MELK: variants seen among roughly 807,000 people sequenced by gnomAD.
MELK encodes maternal embryonic leucine zipper kinase, also known as pEg3 kinase.
Under a neutral mutation model 85.0 loss-of-function variants are expected in MELK, and 81 were observed. The ratio of observed to expected loss-of-function variants is 0.95; its 90% CI spans 0.80 to 1.15. The LOEUF is 1.15. Among genes scored for constraint, MELK ranks in the 50% most tolerant of loss-of-function variants. The pLI, the probability that MELK is intolerant of heterozygous loss-of-function variation, is 0.00. For missense variants in MELK, 754 were observed against 777.5 expected (o/e 0.97, Z 0.36); for synonymous variants, 252 against 265.0 (o/e 0.95, Z 0.48).
In MELK at chr9:36,607,662, A is replaced by C. The variant is rs1216065000; in HGVS notation, c.655A>C (p.Lys219Gln). 4 of 1,598,194 alleles carry C rather than the reference A, an allele frequency of 2.5e-6. No individual in the cohort carries two copies. Among genetic ancestry groups the C allele is most frequent in the Non-Finnish European group, 3.4e-6 (4 of 1,165,566 alleles). The stretch of plus-strand genomic sequence containing the variant: ...TGATGATAATGTAATGGCTTTATAC[A>C]AGAAGATTATGGTGAGTATTACAAG... ...FDDDNVMALYKKIMRGKYDVP... is the reference protein window; with the variant it reads ...FDDDNVMALYQKIMRGKYDVP... Residue 219 changes from lysine (K) to glutamine (Q), a missense_variant, in exon 8 of 18, where the codon AAG becomes CAG. Transcript: ENST00000298048.
intron 10 of MELK, among the ~76,000 whole-genome samples, chr9:36,636,774 TTCTTTCTTTCTGTCTG>T (rs1829212603): frequency 5.7e-5 from 6 of 105,900 alleles, no homozygotes; most frequent in African/African-American, 2.7e-4. Context: ...CTTTCTTTCT[TTCTTTCTTTCTGTCTG>T]TCTTTCTTTC....
intron 8 of MELK, 149 bp from the exon 9 acceptor site, chr9:36,630,150 A>G: frequency 1.5e-6 from 1 of 679,590 alleles, no homozygotes; most frequent in Non-Finnish European, 2.5e-6. Flanking sequence ...CAGCCAAGAA[A>G]TTGATTTTTT....
At chr9:36,658,620 C>G (rs547240189) in intron 13 of MELK, among the ~76,000 whole-genome samples, 198 of 152,188 alleles carry the variant, frequency 1.3e-3, no homozygotes, top group African/African-American at 4.2e-3. Flanking sequence ...CTTGGTAAGG[C>G]CTACGTCTGG....
At chr9:36,652,884 A>G (rs1473165543) in intron 12 of MELK, among the ~76,000 whole-genome samples, 1 of 152,134 alleles carries the variant, frequency 6.6e-6, no homozygotes, top group African/African-American at 2.4e-5. Flanking sequence ...CACGCATTCA[A>G]GTACTTTTAA....
Position 36,677,323 on chromosome 9 carries a change from A to G in MELK, c.1942A>G (p.Ser648Gly). The G allele has an allele frequency of 6.2e-7, 1 of 1,612,790 alleles. No individual in the cohort carries two copies. Among genetic ancestry groups the G allele is most frequent in the Non-Finnish European group, 8.5e-7 (1 of 1,179,276 alleles). The change falls in exon 18 of 18, where the codon AGC becomes GGC. Residue 648 changes from serine (S) to glycine (G), a missense_variant. Transcript: ENST00000298048. Reference sequence around the variant, plus strand: ...AAGATTAGTGGAAGACATCCTATCTAGCTGCAAGGTATAATTGATGGATTC... The same window carrying G: ...AAGATTAGTGGAAGACATCCTATCTGGCTGCAAGGTATAATTGATGGATTC... ...YKRLVEDILSSCKV is the reference protein window; with the variant it reads ...YKRLVEDILSGCKV
chr9:36,636,959 C>T (rs1402485125), intron 10 of MELK, among the ~76,000 whole-genome samples: 1 of 151,952 alleles, frequency 6.6e-6, no homozygotes, highest in African/African-American at 2.4e-5. Flanking sequence ...CTCGGCCTCC[C>T]GAGTAGCTGG....
chr9:36,619,345 C>G (rs1448395627), intron 8 of MELK, among the ~76,000 whole-genome samples: 2 of 152,140 alleles, frequency 1.3e-5, no homozygotes, highest in Admixed American at 6.6e-5. Flanking sequence ...AGGGATTATT[C>G]TACCTGGAAA....
chr9:36,673,793 C>T (rs1833102088), intron 16 of MELK, among the ~76,000 whole-genome samples: 1 of 152,180 alleles, frequency 6.6e-6, no homozygotes, highest in Non-Finnish European at 1.5e-5. Context: ...ACCATTGCCA[C>T]AATCAAGATA....
At chr9:36,616,143 A>G (rs758474823) in intron 8 of MELK, among the ~76,000 whole-genome samples, 2 of 152,226 alleles carry the variant, frequency 1.3e-5, no homozygotes, top group Non-Finnish European at 2.9e-5. Context: ...AGACCTGTAT[A>G]TACAAAGGGT....
At chr9:36,668,908 C>T (rs12343013) in intron 14 of MELK, among the ~76,000 whole-genome samples, 5,954 of 152,092 alleles carry the variant, frequency 0.039, 323 homozygotes, top group African/African-American at 0.11. Flanking sequence ...ATTCAATTAA[C>T]ACCTTTTAAT....
intron 8 of MELK, among the ~76,000 whole-genome samples, chr9:36,629,160 C>T (rs946668695): frequency 1.3e-5 from 2 of 152,164 alleles, no homozygotes; most frequent in African/African-American, 4.8e-5. Context: ...CCACCACGCC[C>T]AGCCTGGTTT....
At chr9:36,609,234 A>G (rs1825855815) in intron 8 of MELK, among the ~76,000 whole-genome samples, 1 of 152,188 alleles carries the variant, frequency 6.6e-6, no homozygotes, top group African/African-American at 2.4e-5. Context: ...ATATACTAAA[A>G]TCTACACTTT....
chr9:36,672,696 C>G (rs1832990843), intron 16 of MELK, among the ~76,000 whole-genome samples: 1 of 151,994 alleles, frequency 6.6e-6, no homozygotes, highest in Non-Finnish European at 1.5e-5. Flanking sequence ...TAATGCCTAC[C>G]CTGGCAACCT....
chr9:36,575,849 CAT>C (rs917273316), intron 1 of MELK, among the ~76,000 whole-genome samples: 34 of 152,306 alleles, frequency 2.2e-4, no homozygotes, highest in African/African-American at 7.7e-4. Flanking sequence ...GGAATGTAAA[CAT>C]GTGCATTCAG....
chr9:36,604,182 T>G (rs905543139), intron 7 of MELK, among the ~76,000 whole-genome samples: 1 of 151,290 alleles, frequency 6.6e-6, no homozygotes, highest in African/African-American at 2.4e-5. Flanking sequence ...TTGGTCAGGC[T>G]GGTCTTGAAC....
intron 8 of MELK, among the ~76,000 whole-genome samples, chr9:36,624,997 AG>A (rs1259656719): frequency 6.6e-6 from 1 of 152,156 alleles, no homozygotes; most frequent in Non-Finnish European, 1.5e-5. Flanking sequence ...TGAGTTTCCT[AG>A]GGTTGTTGTA....
chr9:36,620,550 T>A (rs1370360815), intron 8 of MELK, among the ~76,000 whole-genome samples: 11 of 92,482 alleles, frequency 1.2e-4, no homozygotes, highest in African/African-American at 9.6e-4. Context: ...TTCTCTTCCT[T>A]TTTTTTTTTT....
intron 7 of MELK, among the ~76,000 whole-genome samples, chr9:36,603,517 T>C (rs529609056): frequency 6.6e-6 from 1 of 152,086 alleles, no homozygotes; most frequent in East Asian, 1.9e-4. Context: ...CGGTAGCCTT[T>C]ACCTCCTAGA....
chr9:36,664,143 T>G (rs1472949573), intron 13 of MELK, among the ~76,000 whole-genome samples: 1 of 152,204 alleles, frequency 6.6e-6, no homozygotes, highest in African/African-American at 2.4e-5. Context: ...TTTTATCATG[T>G]TTTTATTTCT....
Sources: allele counts gnomAD v4.1 joint callset (sites outside exome capture counted in the v4.1 genomes callset), GRCh38; gene constraint gnomAD v4.1.1; transcripts MANE v1.5; gene names NCBI Gene and HGNC (gene_info 2026-07-23, HGNC 2026-07-21).